Variants in RRN3 observed in about 807,000 individuals in gnomAD.
The protein encoded by RRN3 is RNA polymerase I-specific transcription initiation factor RRN3.
Under a neutral mutation model 82.3 loss-of-function variants are expected in RRN3, and 38 were observed. The ratio of observed to expected loss-of-function variants is 0.46; its 90% confidence interval spans 0.36 to 0.61. RRN3 has a LOEUF of 0.61. Among genes scored for constraint, RRN3 ranks in the 20% least tolerant of loss-of-function variants. The probability of loss-of-function intolerance (pLI) is 0.00; values close to 1 mark genes in which losing one functional copy is unlikely to be tolerated. For missense variants in RRN3, 726 were observed against 793.1 expected (o/e 0.92, Z 1.02); for synonymous variants, 284 against 284.3 (o/e 1.00, Z 0.01).
intron 9 of RRN3, among the ~76,000 whole-genome samples, chr16:15,078,035 TATATCACCATTCAA>T (rs1162715920): frequency 6.6e-6 from 1 of 152,210 alleles, no homozygotes; most frequent in East Asian, 1.9e-4. Context: ...TTTATTTTGG[TATATCACCATTCAA>T]ATATCTTAAC....
intron 3 of RRN3, among the ~76,000 whole-genome samples, chr16:15,087,342 C>T (rs1452151559): frequency 6.6e-6 from 1 of 152,094 alleles, no homozygotes; most frequent in Non-Finnish European, 1.5e-5. Context: ...TTAGTTATTC[C>T]CATTTTGCTG....
intron 8 of RRN3, among the ~76,000 whole-genome samples, chr16:15,081,890 A>C (rs543077803): frequency 2.0e-5 from 3 of 152,332 alleles, no homozygotes; most frequent in Non-Finnish European, 4.4e-5. Flanking sequence ...CACTTCTGCC[A>C]GCAGCATTTG....
In RRN3 at chr16:15,074,858, C is replaced by T; in HGVS notation, c.862G>A (p.Glu288Lys). 1 of 1,606,556 alleles carries T rather than the reference C, an allele frequency of 6.2e-7. No homozygotes were observed. Among genetic ancestry groups the T allele is most frequent in the South Asian group, 1.1e-5 (1 of 89,512 alleles). The change falls in exon 11 of 18, where the codon GAA (glutamate) becomes AAA (lysine). Residue 288 changes from glutamate to lysine, a missense_variant. This residue lies in a region of RRN3 where 344 missense variants were observed against 394.5 expected (regional missense o/e 0.87). Coordinates refer to ENST00000198767, the MANE Select transcript of RRN3 (RefSeq NM_018427.5). Reference sequence around the variant, plus strand: ...GTTTCATGTTCAGTTTCTTCATCTTCATCCTTTGAAGACAAAAAGTAAATA... The same window carrying T: ...GTTTCATGTTCAGTTTCTTCATCTTTATCCTTTGAAGACAAAAAGTAAATA... ...DSTEGLFNMD[E>K]DEETEHETKA... is the part of the protein sequence containing the mutation.
At chr16:15,062,071 C>G (rs1274784157) in intron 17 of RRN3, among the ~76,000 whole-genome samples, 166 bp from the exon 18 acceptor site, 2 of 152,156 alleles carry the variant, frequency 1.3e-5, no homozygotes, top group African/African-American at 4.8e-5. Flanking sequence ...CCCAGCTACT[C>G]AGGAGGTGGA....
rs760598707 is a variant in RRN3, at chr16:15,074,754, C to G, written c.966G>C (p.Leu322Phe). ...ERLDILMSLV[L>F]SYMKDVCYVD... ...CATAGCAGACATCCTTCATGTAGGA[C>G]AAAACCAAAGACATCAGGATGTCCA... Residue 322 changes from leucine (L) to phenylalanine (F), a missense_variant, in exon 11 of 18, where the codon TTG becomes TTC. By Grantham distance (22) the Leu-to-Phe change is conservative. Around this residue, in one of 4 missense-constraint regions of RRN3, gnomAD observed 344 missense variants for 394.5 expected, o/e 0.87. Transcript: ENST00000198767. 3 of 1,614,030 alleles carry G rather than the reference C, an allele frequency of 1.9e-6. No individual in the cohort carries two copies. Among genetic ancestry groups the G allele is most frequent in the Admixed American group, 3.3e-5 (2 of 60,012 alleles).
chr16:15,072,470 T>TG (rs1207302843), intron 12 of RRN3, among the ~76,000 whole-genome samples: 1 of 152,120 alleles, frequency 6.6e-6, no homozygotes, highest in East Asian at 1.9e-4. Flanking sequence ...CTAGCTGGGC[T>TG]GGCAGGCAGC....
chr16:15,063,760 T>C (rs2044828994), intron 16 of RRN3, among the ~76,000 whole-genome samples: 1 of 147,858 alleles, frequency 6.8e-6, no homozygotes, highest in Non-Finnish European at 1.5e-5. Context: ...TCTATGTAAA[T>C]GCTGTAACTA....
intron 7 of RRN3, among the ~76,000 whole-genome samples, chr16:15,084,131 G>T (rs1283150539): frequency 6.6e-6 from 1 of 152,180 alleles, no homozygotes; most frequent in Admixed American, 6.5e-5. Flanking sequence ...CTCTCCCACA[G>T]AAACATAACA....
intron 17 of RRN3, among the ~76,000 whole-genome samples, chr16:15,062,358 C>T (rs888597372): frequency 1.4e-4 from 21 of 152,162 alleles, no homozygotes; most frequent in East Asian, 7.7e-4. Context: ...ATGAATTACA[C>T]GCCCCTCAAC....
chr16:15,075,319 T>C (rs530467967), intron 10 of RRN3, among the ~76,000 whole-genome samples: 1 of 149,622 alleles, frequency 6.7e-6, no homozygotes, highest in Admixed American at 6.7e-5. Flanking sequence ...CGCCTATAAT[T>C]ACCAACACTT....
At chr16:15,067,533 C>T (rs903704074) in intron 15 of RRN3, among the ~76,000 whole-genome samples, 4 of 143,162 alleles carry the variant, frequency 2.8e-5, no homozygotes, top group Non-Finnish European at 6.2e-5. Context: ...ACAGAACTCT[C>T]TAAACCAATC....
chr16:15,066,350 C>T (rs534331124), intron 15 of RRN3, among the ~76,000 whole-genome samples: 17 of 152,136 alleles, frequency 1.1e-4, no homozygotes, highest in East Asian at 1.9e-4. Flanking sequence ...CTAACACAGC[C>T]GGCTGGGCAC....
At chr16:15,084,195 A>G (rs535404025) in intron 7 of RRN3, among the ~76,000 whole-genome samples, 4 of 152,240 alleles carry the variant, frequency 2.6e-5, no homozygotes, top group Admixed American at 2.6e-4. Flanking sequence ...AAAAGAAGAA[A>G]AAATCATCAA....
intron 15 of RRN3, among the ~76,000 whole-genome samples, chr16:15,067,076 G>A (rs1049090816): frequency 6.2e-5 from 9 of 144,286 alleles, no homozygotes; most frequent in East Asian, 2.1e-4. Context: ...ACTCACTGCC[G>A]TTGCTTATTG....
intron 9 of RRN3, among the ~76,000 whole-genome samples, chr16:15,077,827 G>A (rs1017394638): frequency 2.6e-5 from 4 of 152,272 alleles, no homozygotes; most frequent in East Asian, 1.9e-4. Flanking sequence ...GGCAAGAAGC[G>A]AGACACCATC....
At chr16:15,077,270 C>T (rs528363741) in intron 9 of RRN3, among the ~76,000 whole-genome samples, 7 of 152,232 alleles carry the variant, frequency 4.6e-5, no homozygotes, top group East Asian at 1.9e-4. Context: ...TGAGCCACCG[C>T]GCCTGGCCCC....
chr16:15,093,860 G>A (rs923658497), intron 1 of RRN3: 2 of 468,634 alleles, frequency 4.3e-6, no homozygotes, highest in Non-Finnish European at 7.5e-6. Flanking sequence ...GAAGGAAGAG[G>A]GGTCAAGGCG....
chr16:15,093,465 C>G (rs575435913), intron 1 of RRN3, among the ~76,000 whole-genome samples: 1 of 152,196 alleles, frequency 6.6e-6, no homozygotes, highest in Non-Finnish European at 1.5e-5. Flanking sequence ...GCCTTTCCCC[C>G]CTATGCTGTA....
intron 15 of RRN3, among the ~76,000 whole-genome samples, chr16:15,066,568 G>C (rs1020854571): frequency 1.3e-5 from 2 of 151,882 alleles, no homozygotes; most frequent in African/African-American, 4.8e-5. Context: ...CGGAGGTGGT[G>C]GTTGTAGTGA....
Sources: allele counts gnomAD v4.1 joint callset (sites outside exome capture counted in the v4.1 genomes callset), GRCh38; gene constraint gnomAD v4.1.1; regional missense constraint gnomAD v4.1.1; transcripts MANE v1.5; gene names NCBI Gene and HGNC (gene_info 2026-07-23, HGNC 2026-07-21).